The following KYNU variants were observed in gnomAD, a reference collection of about 807,000 sequenced individuals.
KYNU encodes the protein kynureninase.
Under a neutral mutation model 59.2 loss-of-function variants are expected in KYNU, and 54 were observed. The ratio of observed to expected loss-of-function variants is 0.91; its 90% CI spans 0.73 to 1.14. KYNU has a LOEUF of 1.14. Among genes scored for constraint, KYNU ranks in the 50% most tolerant of loss-of-function variants. The probability of loss-of-function intolerance (pLI) is 0.00; values close to 1 mark genes in which losing one functional copy is unlikely to be tolerated. For synonymous variants in KYNU, 177 were observed against 192.0 expected (o/e 0.92, Z 0.65); for missense variants, 567 against 554.4 (o/e 1.02, Z -0.23).
chr2:143,047,378 G>T lies in KYNU; in HGVS notation c.*5206G>T, dbSNP rs1687182326. 6.6e-6 allele frequency: 1 copy of T among 152,002 alleles called. No individual in the cohort carries two copies. The highest frequency in any genetic ancestry group is 2.4e-5 in the African/African-American group (1 of 41,410). The allele number at this position is 152,002 out of a possible 1,614,324, so 9.4% of individuals were successfully genotyped here. On this transcript the variant is annotated 3_prime_UTR_variant, in exon 14 of 14. Transcript: ENST00000264170. ...GCATGAGGCATTGCACCAGCCCCATGTGTTATCTTTTATAAAATTTAACAT... is the reference window on the plus strand; with the variant it reads ...GCATGAGGCATTGCACCAGCCCCATTTGTTATCTTTTATAAAATTTAACAT...
At chr2:143,039,049 C>T (rs1225301330) in intron 12 of KYNU, among the ~76,000 whole-genome samples, 2 of 152,180 alleles carry the variant, frequency 1.3e-5, no homozygotes, top group Middle Eastern at 3.4e-3. Flanking sequence ...CCTAATATTC[C>T]AACACCAGTT....
At chr2:142,947,268 CCAGA>C in intron 4 of KYNU, 1 of 1,536,794 alleles carries the variant, frequency 6.5e-7, no homozygotes, top group Non-Finnish European at 8.8e-7. Flanking sequence ...CAAGTAGGAA[CCAGA>C]CAAATTCACT....
chr2:143,000,828 T>C (rs1355087583), intron 10 of KYNU, among the ~76,000 whole-genome samples: 1 of 152,182 alleles, frequency 6.6e-6, no homozygotes, highest in Non-Finnish European at 1.5e-5. Context: ...CTTTTTTTCC[T>C]CTGGCCTTTA....
At chr2:142,949,499 C>A (rs181744665) in intron 4 of KYNU, among the ~76,000 whole-genome samples, 5 of 152,356 alleles carry the variant, frequency 3.3e-5, no homozygotes, top group African/African-American at 1.2e-4. Context: ...TCTGTGCACT[C>A]ACAAGCTCAA....
chr2:142,918,754 A>T, intron 3 of KYNU, 25 bp downstream of exon 3: 2 of 1,600,860 alleles, frequency 1.2e-6, no homozygotes, highest in Non-Finnish European at 1.7e-6. Context: ...AAAAGCTACT[A>T]CTCTACATCT....
At chr2:142,956,960 T>G (rs1256547636) in intron 6 of KYNU, among the ~76,000 whole-genome samples, 1 of 152,080 alleles carries the variant, frequency 6.6e-6, no homozygotes, top group Admixed American at 6.6e-5. Flanking sequence ...CTGGGCAATA[T>G]AGTGAGACCT....
intron 8 of KYNU, among the ~76,000 whole-genome samples, chr2:142,980,377 G>T (rs1439610438): frequency 1.3e-5 from 2 of 152,012 alleles, no homozygotes; most frequent in African/African-American, 4.8e-5. Context: ...CCTGTATCTT[G>T]TGCTGACCTC....
At chr2:142,889,006 T>C (rs113644762) in intron 2 of KYNU, among the ~76,000 whole-genome samples, 1,828 of 151,642 alleles carry the variant, frequency 0.012, 42 homozygotes, top group African/African-American at 0.042. Flanking sequence ...TGAACAAAGA[T>C]GACAGCACAG....
At chr2:142,939,932 A>G (rs990559127) in intron 4 of KYNU, among the ~76,000 whole-genome samples, 2 of 152,212 alleles carry the variant, frequency 1.3e-5, no homozygotes, top group Admixed American at 1.3e-4. Flanking sequence ...TCTGGAACCC[A>G]GGGCCAGAAT....
rs1390073483 is a variant in KYNU, at chr2:143,043,767, A to G, written c.*1595A>G. The G allele has an allele frequency of 9.7e-6, 1 of 103,170 alleles. No individual in the cohort carries two copies. Among genetic ancestry groups the G allele is most frequent in the Non-Finnish European group, 2.2e-5 (1 of 45,476 alleles). The allele number at this position is 103,170 out of a possible 1,614,324, so 6.4% of individuals were successfully genotyped here. ...ATATACTTTATATATATTTATATTTATATATTTATATATTTATATTTTAAT... is the reference window on the plus strand; with the variant it reads ...ATATACTTTATATATATTTATATTTGTATATTTATATATTTATATTTTAAT... On this transcript the variant is annotated 3_prime_UTR_variant, in exon 14 of 14. Coordinates refer to ENST00000264170, the MANE Select transcript of KYNU (RefSeq NM_003937.3).
At position 143,001,511 on chromosome 2, in the gene KYNU, A is replaced by G. The variant is rs1206517829; in HGVS notation, c.902+15490A>G. Among the ~76,000 whole-genome samples, 3 of 152,356 alleles carry G rather than the reference A, an allele frequency of 2.0e-5. No homozygotes were observed. In the East Asian group the frequency reaches 5.8e-4, roughly 29 times the overall value. On this transcript the variant is annotated intron_variant, in intron 10 of 13. Transcript: ENST00000264170. ...AACAAGTATCAACTGTAGAGTTGTTAAACCATTTTGCTTTACTCAGCCCTA... is the reference window on the plus strand; with the variant it reads ...AACAAGTATCAACTGTAGAGTTGTTGAACCATTTTGCTTTACTCAGCCCTA...
intron 12 of KYNU, among the ~76,000 whole-genome samples, chr2:143,036,892 A>G (rs1198772862): frequency 6.6e-6 from 1 of 152,208 alleles, no homozygotes; most frequent in Non-Finnish European, 1.5e-5. Context: ...TGTTGTCTCT[A>G]CTTTTAAGAA....
In KYNU at chr2:143,054,515, C is replaced by T. The variant is rs988637474; in HGVS notation, c.*12343C>T. On this transcript the variant is annotated 3_prime_UTR_variant, in exon 14 of 14. Transcript: ENST00000264170. ...CTATTAATATATAGTGGAGGCATCA[C>T]GTTGTTATGAACTTCATTGATCAAT... The T allele has an allele frequency of 6.6e-6, 1 of 152,080 alleles. No individual in the cohort carries two copies. The highest frequency in any genetic ancestry group is 2.4e-5 in the African/African-American group (1 of 41,396). The allele number at this position is 152,080 out of a possible 1,614,324, so 9.4% of individuals were successfully genotyped here.
At chr2:142,892,967 C>T (rs1010073180) in intron 2 of KYNU, among the ~76,000 whole-genome samples, 2 of 152,112 alleles carry the variant, frequency 1.3e-5, no homozygotes, top group Non-Finnish European at 2.9e-5. Flanking sequence ...TGAGTTTTAA[C>T]GCATATATAG....
intron 10 of KYNU, among the ~76,000 whole-genome samples, chr2:143,023,592 T>C (rs1686467911): frequency 1.3e-5 from 2 of 151,918 alleles, no homozygotes; most frequent in South Asian, 4.1e-4. Flanking sequence ...GGTGTGGTAT[T>C]GTGTTATGAA....
At chr2:142,918,300 T>C (rs1363219615) in intron 2 of KYNU, among the ~76,000 whole-genome samples, 1 of 152,216 alleles carries the variant, frequency 6.6e-6, no homozygotes, top group African/African-American at 2.4e-5. Flanking sequence ...TAAAAACATT[T>C]GTTTTTAACT....
At chr2:143,010,515 C>G (rs1686059366) in intron 10 of KYNU, among the ~76,000 whole-genome samples, 1 of 125,828 alleles carries the variant, frequency 7.9e-6, no homozygotes, top group South Asian at 2.8e-4. Flanking sequence ...CAATGCCATC[C>G]CCATCAAGCT....
intron 10 of KYNU, among the ~76,000 whole-genome samples, chr2:143,026,672 C>T (rs1686575501): frequency 6.6e-6 from 1 of 152,234 alleles, no homozygotes; most frequent in African/African-American, 2.4e-5. Flanking sequence ...ACAGCAGACT[C>T]CAACCGGGGG....
rs532414002 is a variant in KYNU, at chr2:143,047,720, ATTT to A, written c.*5551_*5553del. ...AGGCACATGCCACGATGCCAAGCTA[ATTT>A]TTAAAAATAATTTTTTTTGTAGATT... On this transcript the variant is annotated 3_prime_UTR_variant, in exon 14 of 14. Coordinates refer to ENST00000264170, the MANE Select transcript of KYNU (RefSeq NM_003937.3). 4.2e-4 allele frequency: 64 copies of A among 152,144 alleles called. No individual in the cohort carries two copies. Among genetic ancestry groups the A allele is most frequent in the African/African-American group, 1.4e-3 (60 of 41,416 alleles). The allele number at this position is 152,144 out of a possible 1,614,324, so 9.4% of individuals were successfully genotyped here. A position where few individuals can be genotyped will look rare whatever the true frequency, so the allele number is the denominator to read the frequency against.
Sources: allele counts gnomAD v4.1 joint callset (sites outside exome capture counted in the v4.1 genomes callset), GRCh38; gene constraint gnomAD v4.1.1; transcripts MANE v1.5; gene names NCBI Gene and HGNC (gene_info 2026-07-23, HGNC 2026-07-21).